ABCD3: variants seen among roughly 807,000 people sequenced by gnomAD.
The protein encoded by ABCD3 is ATP-binding cassette sub-family D member 3.
Under a neutral mutation model 105.5 loss-of-function variants are expected in ABCD3, and 41 were observed. The ratio of observed to expected loss-of-function variants is 0.39; its 90% CI spans 0.30 to 0.50. The LOEUF (loss-of-function observed/expected upper bound fraction) is 0.50. Among genes scored for constraint, ABCD3 ranks in the 20% least tolerant of loss-of-function variants. The probability of loss-of-function intolerance (pLI) is 0.84; values close to 1 mark genes in which losing one functional copy is unlikely to be tolerated. For synonymous variants in ABCD3, 258 were observed against 269.0 expected (o/e 0.96, Z 0.40); for missense variants, 622 against 806.3 (o/e 0.77, Z 2.77).
intron 21 of ABCD3, among the ~76,000 whole-genome samples, chr1:94,511,530 C>T (rs1205982831): frequency 3.3e-5 from 5 of 152,120 alleles, no homozygotes; most frequent in African/African-American, 4.8e-5. Context: ...TGAATCTGAA[C>T]GTTGGCCTGC....
the ABCD3 span, among the ~76,000 whole-genome samples, chr1:94,389,583 T>C: frequency 1.3e-5 from 2 of 152,218 alleles, no homozygotes; most frequent in Non-Finnish European, 2.9e-5. Context: ...ATAGAAACAA[T>C]GTTTATCACT....
chr1:94,512,050 TGGA>T (rs1650698456), intron 21 of ABCD3, among the ~76,000 whole-genome samples: 1 of 152,130 alleles, frequency 6.6e-6, no homozygotes, highest in South Asian at 2.1e-4. Flanking sequence ...TGCGTTCCTT[TGGA>T]GGAGGAGAGG....
At chr1:94,415,724 C>T (rs571905761), upstream of ABCD3, among the ~76,000 whole-genome samples, 2 of 152,350 alleles carry the variant, frequency 1.3e-5, no homozygotes, top group South Asian at 4.1e-4. Flanking sequence ...AATCTTGAAT[C>T]TGCTTCTCAG....
the ABCD3 span, among the ~76,000 whole-genome samples, chr1:94,401,191 C>T: frequency 2.6e-5 from 4 of 152,186 alleles, no homozygotes; most frequent in African/African-American, 9.7e-5. Flanking sequence ...GGATTAAGAA[C>T]ATGAACTAAT....
At chr1:94,484,213 T>C (rs1220531354) in intron 10 of ABCD3, among the ~76,000 whole-genome samples, 5 of 152,206 alleles carry the variant, frequency 3.3e-5, no homozygotes, top group Non-Finnish European at 7.3e-5. Flanking sequence ...GTTCAACCAT[T>C]GTGGAAGACA....
In ABCD3 at chr1:94,469,730, A is replaced by G. The variant is rs1648359124; in HGVS notation, c.335+1723A>G. Among the ~76,000 whole-genome samples the G allele has an allele frequency of 2.3e-5, 3 of 132,048 alleles. No homozygotes were observed. The Admixed American group carries it at 2.9e-4, about 13-fold the overall frequency. 86.6% of individuals were successfully genotyped at this position (132,048 alleles called of 152,430 possible). ...GCCCAGGCTGGAGTGCAGCGGCGCG[A>G]TCTCAGCTCACTGCAACCTCTGCCT... On this transcript the variant is annotated intron_variant, in intron 4 of 22. Coordinates refer to ENST00000370214, the MANE Select transcript of ABCD3 (RefSeq NM_002858.4).
chr1:94,447,634 A>G (rs1255463331), intron 1 of ABCD3, among the ~76,000 whole-genome samples: 1 of 152,242 alleles, frequency 6.6e-6, no homozygotes, highest in Non-Finnish European at 1.5e-5. Context: ...TACATTATTC[A>G]TTATATGGAC....
At chr1:94,438,038 C>G (rs908912769) in intron 1 of ABCD3, among the ~76,000 whole-genome samples, 9 of 152,002 alleles carry the variant, frequency 5.9e-5, no homozygotes, top group Admixed American at 6.6e-5. Context: ...CCTCTAATCC[C>G]AGCACTTTGG....
intron 19 of ABCD3, 81 bp from the exon 20 acceptor site, chr1:94,499,414 T>G: frequency 7.2e-7 from 1 of 1,396,912 alleles, no homozygotes; most frequent in Middle Eastern, 1.8e-4. Flanking sequence ...ATTATAGTGA[T>G]TCCAGTTTAA....
chr1:94,469,556 G>A (rs1339193459), intron 4 of ABCD3, among the ~76,000 whole-genome samples: 2 of 145,518 alleles, frequency 1.4e-5, no homozygotes, highest in African/African-American at 5.1e-5. Context: ...ACAATACTGA[G>A]AAATCTTCTC....
At chr1:94,425,850 G>A (rs1280866328) in intron 1 of ABCD3, among the ~76,000 whole-genome samples, 1 of 152,166 alleles carries the variant, frequency 6.6e-6, no homozygotes, top group African/African-American at 2.4e-5. Flanking sequence ...TTGGCATAGT[G>A]TTAAAGAATA....
intron 22 of ABCD3, among the ~76,000 whole-genome samples, chr1:94,515,798 A>T (rs920933596): frequency 6.6e-6 from 1 of 151,616 alleles, no homozygotes; most frequent in African/African-American, 2.4e-5. Flanking sequence ...ACCCAGTTTA[A>T]TTCTCTTTAT....
At chr1:94,481,326 A>C (rs1339225590) in intron 9 of ABCD3, among the ~76,000 whole-genome samples, 7 of 152,300 alleles carry the variant, frequency 4.6e-5, no homozygotes, top group African/African-American at 1.7e-4. Flanking sequence ...CTCTATAGGC[A>C]TTTGCAAATG....
At chr1:94,474,190 A>G (rs1386343130) in intron 5 of ABCD3, among the ~76,000 whole-genome samples, 2 of 147,972 alleles carry the variant, frequency 1.4e-5, no homozygotes, top group Non-Finnish European at 3.0e-5. Flanking sequence ...TCTAACAACC[A>G]GAAATGATTC....
chr1:94,516,925 G>A (rs1557696113), intron 22 of ABCD3, 127 bp from the exon 23 acceptor site: 1 of 751,980 alleles, frequency 1.3e-6, no homozygotes, highest in South Asian at 1.4e-5. Context: ...GAAGCATTCT[G>A]ATTTGTGGGA....
the ABCD3 span, among the ~76,000 whole-genome samples, chr1:94,413,306 T>C: frequency 2.6e-5 from 4 of 152,172 alleles, no homozygotes; most frequent in African/African-American, 9.6e-5. Context: ...TTTCAGATTA[T>C]GTAGGATTAA....
intron 10 of ABCD3, among the ~76,000 whole-genome samples, chr1:94,485,183 T>C (rs926636646): frequency 1.9e-4 from 29 of 152,242 alleles, no homozygotes; most frequent in African/African-American, 7.0e-4. Context: ...ACTTCAGTTT[T>C]TATTTAATTG....
chr1:94,451,328 G>A (rs1432351210), intron 1 of ABCD3, among the ~76,000 whole-genome samples: 1 of 151,936 alleles, frequency 6.6e-6, no homozygotes, highest in Non-Finnish European at 1.5e-5. Context: ...TTTTTATTAC[G>A]GTCTGGAGAT....
At chr1:94,462,736 C>T (rs148191849) in intron 2 of ABCD3, among the ~76,000 whole-genome samples, 10 of 152,164 alleles carry the variant, frequency 6.6e-5, no homozygotes, top group African/African-American at 2.4e-4. Flanking sequence ...CTGTTTAACT[C>T]AGATGTCCAT....
Sources: gnomAD v4.1 joint callset for allele counts (sites outside exome capture counted in the v4.1 genomes callset) on GRCh38, gnomAD v4.1.1 for gene constraint, MANE v1.5 for transcripts, NCBI Gene and HGNC (gene_info 2026-07-23, HGNC 2026-07-21) for gene names.